IL1RAPL2: variants seen among roughly 807,000 people sequenced by gnomAD.
IL1RAPL2 encodes the protein X-linked interleukin-1 receptor accessory protein-like 2.
In IL1RAPL2, 3 loss-of-function variants were observed where a neutral mutation model predicts 44.1. The ratio of observed to expected loss-of-function variants is 0.07; its 90% CI spans 0.03 to 0.18. The LOEUF (loss-of-function observed/expected upper bound fraction) is 0.18, where lower values mean the gene tolerates loss of function less well. IL1RAPL2 is among the 10% of genes least tolerant of loss of function. The pLI, the probability that IL1RAPL2 is intolerant of heterozygous loss-of-function variation, is 1.00. For synonymous variants in IL1RAPL2, 181 were observed against 178.8 expected (o/e 1.01, Z -0.10); for missense variants, 391 against 496.4 (o/e 0.79, Z 2.02).
intron 4 of IL1RAPL2, among the ~76,000 whole-genome samples, chrX:105,244,820 A>G (rs2034205223): frequency 8.9e-6 from 1 of 112,561 alleles, no homozygotes; most frequent in Non-Finnish European, 1.9e-5. Context: ...GAGTAGGTTC[A>G]GAGACTCCAG....
At chrX:105,313,635 T>C (rs2034814976) in intron 5 of IL1RAPL2, among the ~76,000 whole-genome samples, 1 of 111,919 alleles carries the variant, frequency 8.9e-6, no homozygotes, top group African/African-American at 3.2e-5. Flanking sequence ...TACCTACCAG[T>C]AATATTACAT....
chrX:105,709,546 C>T (rs1197515578), intron 6 of IL1RAPL2, among the ~76,000 whole-genome samples: 1 of 111,642 alleles, frequency 9.0e-6, no homozygotes, highest in Non-Finnish European at 1.9e-5. Context: ...TAGAGATTCT[C>T]TCAGTTGACC....
At chrX:105,655,368 T>C (rs2037670578) in intron 6 of IL1RAPL2, among the ~76,000 whole-genome samples, 1 of 112,772 alleles carries the variant, frequency 8.9e-6, no homozygotes, top group Admixed American at 9.4e-5. Flanking sequence ...TGTATACATA[T>C]ATAATTTCTT....
At chrX:105,021,643 T>G in intron 2 of IL1RAPL2, among the ~76,000 whole-genome samples, 1 of 111,129 alleles carries the variant, frequency 9.0e-6, no homozygotes, top group East Asian at 2.9e-4. Flanking sequence ...ATCTATGATG[T>G]TAACCCATTT....
chrX:105,001,165 G>T (rs1219713061), intron 2 of IL1RAPL2, among the ~76,000 whole-genome samples: 1 of 111,463 alleles, frequency 9.0e-6, no homozygotes, highest in Non-Finnish European at 1.9e-5. Context: ...CTCTGGAACT[G>T]CCAGCTAACC....
chrX:105,555,781 G>A (rs1387944463), intron 6 of IL1RAPL2, among the ~76,000 whole-genome samples: 6 of 112,154 alleles, frequency 5.3e-5, no homozygotes, highest in African/African-American at 1.9e-4. Context: ...CAAATGAGAG[G>A]TATGTTAGGT....
intron 6 of IL1RAPL2, among the ~76,000 whole-genome samples, chrX:105,565,762 G>C (rs774656320): frequency 9.3e-4 from 104 of 111,995 alleles, no homozygotes; most frequent in Non-Finnish European, 1.5e-3. Flanking sequence ...ATAGTTAATT[G>C]AAGCACAGAT....
At chrX:105,207,363 A>AAC (rs1556153366) in intron 3 of IL1RAPL2, among the ~76,000 whole-genome samples, 1 of 111,804 alleles carries the variant, frequency 8.9e-6, no homozygotes, top group African/African-American at 3.2e-5. Context: ...TATCCTAGAA[A>AAC]ACATAGTCTA....
intron 5 of IL1RAPL2, among the ~76,000 whole-genome samples, chrX:105,384,073 T>A (rs946098288): frequency 7.2e-5 from 8 of 111,552 alleles, no homozygotes; most frequent in African/African-American, 2.6e-4. Flanking sequence ...CTTTACATTG[T>A]CAATTGTTTC....
chrX:105,161,890 G>A (rs2033328149), intron 2 of IL1RAPL2, among the ~76,000 whole-genome samples: 1 of 111,918 alleles, frequency 8.9e-6, no homozygotes, highest in African/African-American at 3.3e-5. Context: ...TCCTCATGAT[G>A]TGGCTTTCCT....
intron 6 of IL1RAPL2, among the ~76,000 whole-genome samples, chrX:105,654,986 G>A (rs776340753): frequency 1.8e-5 from 2 of 112,033 alleles, no homozygotes; most frequent in African/African-American, 6.5e-5. Context: ...AGAAGCCCCC[G>A]GGAAGTGTGA....
chrX:105,636,700 G>C (rs963458000), intron 6 of IL1RAPL2, among the ~76,000 whole-genome samples: 1 of 111,856 alleles, frequency 8.9e-6, no homozygotes, highest in Non-Finnish European at 1.9e-5. Context: ...ATGAGGCAGA[G>C]AAATCAACAC....
intron 7 of IL1RAPL2, among the ~76,000 whole-genome samples, chrX:105,723,164 C>T (rs1314787221): frequency 9.0e-6 from 1 of 111,699 alleles, no homozygotes. Flanking sequence ...TATCCTATTG[C>T]ACCATTCACA....
intron 5 of IL1RAPL2, among the ~76,000 whole-genome samples, chrX:105,281,800 A>G (rs1330101372): frequency 2.7e-5 from 3 of 111,551 alleles, no homozygotes. Flanking sequence ...ATTTCTCAAA[A>G]TGTATTCCCA....
intron 2 of IL1RAPL2, among the ~76,000 whole-genome samples, chrX:104,889,951 AC>A (rs1416045937): frequency 9.2e-6 from 1 of 108,864 alleles, no homozygotes; most frequent in Non-Finnish European, 1.9e-5. Flanking sequence ...CCTCCCCCCT[AC>A]CCCCAACCCA....
chrX:105,200,815 G>T (rs993489652), intron 3 of IL1RAPL2, among the ~76,000 whole-genome samples: 46 of 111,039 alleles, frequency 4.1e-4, no homozygotes, highest in African/African-American at 1.4e-3. Context: ...GAGAGGCTGA[G>T]GTACGAGAAT....
rs368480778 is a variant in IL1RAPL2, at chrX:105,218,878, C to T, written c.357-14940C>T. On this transcript the variant is annotated intron_variant, in intron 3 of 10. Transcript: ENST00000372582. ...TCCCAGCCTTCTTCCCCTACCACCCCGGCCCCCGCCACCACAAGCCTGCCC... is the reference window on the plus strand; with the variant it reads ...TCCCAGCCTTCTTCCCCTACCACCCTGGCCCCCGCCACCACAAGCCTGCCC... 9.3e-4 allele frequency: 820 copies of T among 885,449 alleles called. 4 individuals are homozygous for T. Among genetic ancestry groups the T allele is most frequent in the South Asian group, 2.9e-3 (126 of 43,402 alleles). 73.0% of individuals were successfully genotyped at this position (885,449 alleles called of 1,213,427 possible).
intron 5 of IL1RAPL2, among the ~76,000 whole-genome samples, chrX:105,346,637 A>G (rs58983172): frequency 0.15 from 16,522 of 111,109 alleles, 2,978 homozygotes; most frequent in African/African-American, 0.51. Context: ...CCTTTGTAAT[A>G]CAGGTTTGCG....
At chrX:105,739,736 T>A (rs2038482308) in intron 7 of IL1RAPL2, among the ~76,000 whole-genome samples, 2 of 102,115 alleles carry the variant, frequency 2.0e-5, no homozygotes, top group Non-Finnish European at 2.0e-5. Context: ...ATTTTCTTAA[T>A]CCAGTCTATC....
Sources: gnomAD v4.1 joint callset for allele counts (sites outside exome capture counted in the v4.1 genomes callset) on GRCh38, gnomAD v4.1.1 for gene constraint, MANE v1.5 for transcripts, NCBI Gene and HGNC (gene_info 2026-07-23, HGNC 2026-07-21) for gene names.